Variants in CAMTA1 observed in about 807,000 individuals in gnomAD.
CAMTA1 encodes calmodulin-binding transcription activator 1.
Under a neutral mutation model 170.9 loss-of-function variants are expected in CAMTA1, and 27 were observed. That is an observed-to-expected ratio of 0.16 (90% CI 0.12 to 0.22). The LOEUF (loss-of-function observed/expected upper bound fraction) is 0.22. Ranked by LOEUF, CAMTA1 falls within the 10% of genes least tolerant of loss-of-function variation. The probability of loss-of-function intolerance (pLI) is 1.00; values close to 1 mark genes in which losing one functional copy is unlikely to be tolerated. For synonymous variants in CAMTA1, 833 were observed against 891.5 expected (o/e 0.93, Z 1.17); for missense variants, 1,619 against 2,217.2 (o/e 0.73, Z 5.42).
intron 6 of CAMTA1, among the ~76,000 whole-genome samples, chr1:7,621,431 A>G (rs961016806): frequency 6.6e-6 from 1 of 152,220 alleles, no homozygotes; most frequent in African/African-American, 2.4e-5. Flanking sequence ...GACATTTGCT[A>G]AGCCAGGCGC....
At chr1:7,638,759 A>T (rs1009225762) in intron 6 of CAMTA1, among the ~76,000 whole-genome samples, 1 of 152,164 alleles carries the variant, frequency 6.6e-6, no homozygotes, top group Non-Finnish European at 1.5e-5. Flanking sequence ...TCTTTAACAA[A>T]CTTGTCAGTA....
chr1:7,612,477 TAGG>T (rs2095530472), intron 6 of CAMTA1, among the ~76,000 whole-genome samples: 1 of 152,170 alleles, frequency 6.6e-6, no homozygotes, highest in African/African-American at 2.4e-5. Flanking sequence ...GAGTACAGGA[TAGG>T]AGGGCACGGT....
intron 5 of CAMTA1, among the ~76,000 whole-genome samples, chr1:7,285,238 T>G (rs1293764161): frequency 6.6e-5 from 10 of 152,190 alleles, no homozygotes; most frequent in Non-Finnish European, 1.5e-5. Flanking sequence ...TCCTGTTCTT[T>G]GTTTTCTTTT....
chr1:6,800,127 G>A (rs1239377988), intron 1 of CAMTA1, among the ~76,000 whole-genome samples: 7 of 151,956 alleles, frequency 4.6e-5, no homozygotes, highest in African/African-American at 9.7e-5. Context: ...AACGTAGGCC[G>A]GGTGCTGTGG....
intron 3 of CAMTA1, among the ~76,000 whole-genome samples, chr1:7,043,548 C>G (rs896869900): frequency 2.0e-5 from 3 of 152,220 alleles, no homozygotes; most frequent in Admixed American, 2.0e-4. Flanking sequence ...CATCCAGAGG[C>G]TCGGCGGAAA....
chr1:6,810,498 AG>A (rs1307932867), intron 1 of CAMTA1, among the ~76,000 whole-genome samples: 2 of 151,960 alleles, frequency 1.3e-5, no homozygotes, highest in Non-Finnish European at 2.9e-5. Flanking sequence ...ACTCCGGGGG[AG>A]GGGGTTACAC....
At chr1:6,804,218 A>G (rs1418138614) in intron 1 of CAMTA1, among the ~76,000 whole-genome samples, 1 of 135,030 alleles carries the variant, frequency 7.4e-6, no homozygotes, top group Non-Finnish European at 1.6e-5. Context: ...GGGTCTCAAT[A>G]TGTTGCCCAG....
At chr1:7,505,604 G>T (rs2094092661) in intron 6 of CAMTA1, among the ~76,000 whole-genome samples, 1 of 152,150 alleles carries the variant, frequency 6.6e-6, no homozygotes, top group Non-Finnish European at 1.5e-5. Context: ...TGCCCCAGGG[G>T]CAGGGTGTTC....
chr1:7,315,695 T>C (rs1677382980), intron 5 of CAMTA1, among the ~76,000 whole-genome samples: 1 of 152,074 alleles, frequency 6.6e-6, no homozygotes, highest in South Asian at 2.1e-4. Flanking sequence ...AAATACAAAA[T>C]CAAAGCGTGG....
intron 5 of CAMTA1, among the ~76,000 whole-genome samples, chr1:7,428,922 G>A (rs1464849680): frequency 2.0e-5 from 3 of 152,214 alleles, no homozygotes; most frequent in African/African-American, 7.2e-5. Flanking sequence ...TCTCTGGTCT[G>A]CTGGCAGCGA....
rs1646199110 is a variant in CAMTA1, at chr1:7,146,606, C to G, written c.302+55235C>G. 6.6e-6 allele frequency among the ~76,000 whole-genome samples: 1 copy of G among 151,882 alleles called. No homozygotes were observed. Among genetic ancestry groups the G allele is most frequent in the Non-Finnish European group, 1.5e-5 (1 of 67,922 alleles). ...CTCCTCCTCCTTGAACACCAACCAT[C>G]AGGTTGCCAGGACCTGTCCCCTGGG... On this transcript the variant is annotated intron_variant, in intron 4 of 22. Transcript: ENST00000303635. This position sits in a 1 kb window ranked among gnomAD's most constrained non-coding sequence, Gnocchi z 4.3.
At chr1:7,750,371 G>A (rs1368030436) in intron 19 of CAMTA1, among the ~76,000 whole-genome samples, 1 of 152,200 alleles carries the variant, frequency 6.6e-6, no homozygotes, top group African/African-American at 2.4e-5. Flanking sequence ...ACGGTAAGTT[G>A]CCGTCTTATA....
intron 4 of CAMTA1, among the ~76,000 whole-genome samples, chr1:7,167,655 G>T (rs886335717): frequency 2.0e-5 from 3 of 152,102 alleles, no homozygotes; most frequent in African/African-American, 7.2e-5. Context: ...CCTATGGGGA[G>T]ATTTTGATTG....
In CAMTA1 at chr1:7,443,396, G is replaced by A; in HGVS notation, c.439-24434G>A. On this transcript the variant is annotated intron_variant, in intron 5 of 22. Coordinates refer to ENST00000303635, the MANE Select transcript of CAMTA1 (RefSeq NM_015215.4). This position sits in a 1 kb window ranked among gnomAD's most constrained non-coding sequence, Gnocchi z 4.1. ...ATGCTGCATCAAGGTGGCCTTGGGAGCACGTGGAGATGATGATAGCCATGT... is the reference window on the plus strand; with the variant it reads ...ATGCTGCATCAAGGTGGCCTTGGGAACACGTGGAGATGATGATAGCCATGT... 6.6e-6 allele frequency among the ~76,000 whole-genome samples: 1 copy of A among 152,362 alleles called. No individual in the cohort carries two copies. Among genetic ancestry groups the A allele is most frequent in the East Asian group, 1.9e-4 (1 of 5,182 alleles).
At chr1:7,662,288 C>T (rs1367825169) in intron 8 of CAMTA1, among the ~76,000 whole-genome samples, 1 of 152,220 alleles carries the variant, frequency 6.6e-6, no homozygotes, top group Non-Finnish European at 1.5e-5. Context: ...TTTCTTTAAC[C>T]TCTGTCTCCT....
At chr1:6,943,846 C>CAAAAAAAA (rs1198830005) in intron 3 of CAMTA1, among the ~76,000 whole-genome samples, 6 of 51,650 alleles carry the variant, frequency 1.2e-4, no homozygotes, top group Admixed American at 2.0e-4. Flanking sequence ...GACTCTGTCT[C>CAAAAAAAA]AAAAAAAAAA....
chr1:7,514,291 A>G (rs1442014012), intron 6 of CAMTA1, among the ~76,000 whole-genome samples: 1 of 152,216 alleles, frequency 6.6e-6, no homozygotes, highest in Non-Finnish European at 1.5e-5. Flanking sequence ...CCCAAGAGGA[A>G]ACAAGCAAAG....
chr1:7,051,112 G>A (rs76085629), intron 3 of CAMTA1, among the ~76,000 whole-genome samples: 1,860 of 152,254 alleles, frequency 0.012, 28 homozygotes, highest in African/African-American at 0.043. Flanking sequence ...CTGGAGACAC[G>A]GTGAACAATG....
intron 4 of CAMTA1, among the ~76,000 whole-genome samples, chr1:7,223,597 G>A (rs1661200141): frequency 6.6e-6 from 1 of 152,160 alleles, no homozygotes; most frequent in Non-Finnish European, 1.5e-5. Flanking sequence ...ACAGGTGAGT[G>A]CCTGCCATTT....
Sources: allele counts gnomAD v4.1 joint callset (sites outside exome capture counted in the v4.1 genomes callset), GRCh38; gene constraint gnomAD v4.1.1; non-coding constraint Gnocchi (gnomAD v3.1); transcripts MANE v1.5; gene names NCBI Gene and HGNC (gene_info 2026-07-23, HGNC 2026-07-21).